COL19A1: variants seen among roughly 807,000 people sequenced by gnomAD.
The protein encoded by COL19A1 is collagen type XIX alpha 1 chain.
Under a neutral mutation model 190.2 loss-of-function variants are expected in COL19A1, and 159 were observed. The ratio of observed to expected loss-of-function variants is 0.84; its 90% CI spans 0.73 to 0.95. The LOEUF is 0.95. Among genes scored for constraint, COL19A1 ranks in the 40% least tolerant of loss-of-function variants. The pLI, the probability that COL19A1 is intolerant of heterozygous loss-of-function variation, is 0.00. For synonymous variants in COL19A1, 509 were observed against 458.9 expected (o/e 1.11, Z -1.39); for missense variants, 1,418 against 1,431.9 (o/e 0.99, Z 0.16).
At chr6:69,956,972 T>C (rs1416365593) in intron 9 of COL19A1, among the ~76,000 whole-genome samples, 2 of 152,084 alleles carry the variant, frequency 1.3e-5, no homozygotes, top group Non-Finnish European at 2.9e-5. Context: ...CACCACAGGA[T>C]AGTATGTAAC....
chr6:70,041,349 C>T (rs991291145), intron 14 of COL19A1, among the ~76,000 whole-genome samples: 5 of 152,112 alleles, frequency 3.3e-5, no homozygotes, highest in African/African-American at 9.7e-5. Flanking sequence ...ATATGAGATT[C>T]TTCAACTTGA....
chr6:69,927,879 C>T (rs769775110), intron 4 of COL19A1, 30 bp from the exon 5 acceptor site: 13 of 1,579,442 alleles, frequency 8.2e-6, no homozygotes, highest in African/African-American at 8.2e-5. Context: ...TCCAGTTTCC[C>T]CACAAAAGTT....
intron 27 of COL19A1, among the ~76,000 whole-genome samples, chr6:70,149,106 C>G (rs1786866804): frequency 1.3e-5 from 2 of 151,942 alleles, no homozygotes. Context: ...AAGTCAACTG[C>G]TAAGAAACCA....
At chr6:70,170,422 A>G (rs1765429312) in intron 40 of COL19A1, among the ~76,000 whole-genome samples, 1 of 152,148 alleles carries the variant, frequency 6.6e-6, no homozygotes, top group African/African-American at 2.4e-5. Context: ...CTGCCTCACT[A>G]TTTCTAATCT....
chr6:69,986,834 A>G (rs1384037797), intron 11 of COL19A1, among the ~76,000 whole-genome samples: 2 of 152,218 alleles, frequency 1.3e-5, no homozygotes, highest in Non-Finnish European at 2.9e-5. Flanking sequence ...TGGAAAATGC[A>G]TTAATAAGAT....
chr6:70,102,790 T>C (rs977631510), intron 16 of COL19A1, among the ~76,000 whole-genome samples: 1 of 152,152 alleles, frequency 6.6e-6, no homozygotes, highest in Non-Finnish European at 1.5e-5. Flanking sequence ...GTCTGGTTTG[T>C]GTCCAAGCTG....
At chr6:69,886,994 A>G (rs1238494390) in intron 2 of COL19A1, among the ~76,000 whole-genome samples, 2 of 152,226 alleles carry the variant, frequency 1.3e-5, no homozygotes, top group Non-Finnish European at 2.9e-5. Context: ...TGCTAAAGAT[A>G]TGAAATGGCA....
At chr6:69,938,354 C>A (rs535140164) in intron 9 of COL19A1, among the ~76,000 whole-genome samples, 1 of 152,200 alleles carries the variant, frequency 6.6e-6, no homozygotes, top group Non-Finnish European at 1.5e-5. Context: ...TAAGCTCTAG[C>A]AAAACTGTGA....
intron 14 of COL19A1, among the ~76,000 whole-genome samples, chr6:70,050,509 G>A (rs1216452705): frequency 6.6e-6 from 1 of 151,970 alleles, no homozygotes; most frequent in Non-Finnish European, 1.5e-5. Context: ...ATTTGATGTA[G>A]TATAGGTACT....
intron 8 of COL19A1, among the ~76,000 whole-genome samples, chr6:69,937,292 G>T (rs1219537338): frequency 6.6e-6 from 1 of 152,066 alleles, no homozygotes; most frequent in Non-Finnish European, 1.5e-5. Context: ...ACTCTACATT[G>T]TATTTCTTTT....
rs1348639364 is a variant in COL19A1 at position 69,921,053 on chromosome 6, TATC to T, written c.267-6853_267-6851del. Among the ~76,000 whole-genome samples, 32 of 45,596 alleles carry T rather than the reference TATC, an allele frequency of 7.0e-4. 1 individual carries two copies. Among genetic ancestry groups the T allele is most frequent in the Non-Finnish European group, 5.5e-4 (12 of 21,866 alleles). 29.9% of individuals were successfully genotyped at this position (45,596 alleles called of 152,430 possible). ...TATATATCATATATATTCATAGACA[TATC>T]ATATATATTCATAGACATATCATAT... On this transcript the variant is annotated intron_variant, in intron 4 of 50. Coordinates refer to ENST00000620364, the MANE Select transcript of COL19A1 (RefSeq NM_001858.6).
intron 14 of COL19A1, among the ~76,000 whole-genome samples, chr6:70,059,429 A>G (rs1182711945): frequency 1.3e-5 from 2 of 152,162 alleles, no homozygotes; most frequent in Middle Eastern, 3.2e-3. Context: ...TATTTGTTAA[A>G]CACTTCAAAC....
intron 14 of COL19A1, among the ~76,000 whole-genome samples, chr6:70,040,171 A>G (rs1176977676): frequency 2.6e-5 from 4 of 152,122 alleles, no homozygotes; most frequent in African/African-American, 9.7e-5. Context: ...AAAAAATCTG[A>G]TATGTAAAAC....
chr6:70,027,533 G>A (rs1452996149), intron 12 of COL19A1, among the ~76,000 whole-genome samples: 2 of 147,620 alleles, frequency 1.4e-5, no homozygotes, highest in Non-Finnish European at 3.0e-5. Context: ...AAAATGTGCT[G>A]ATATTTTTCT....
At position 70,010,529 on chromosome 6, in the gene COL19A1, G is replaced by A. The variant is rs957973324; in HGVS notation, c.1027-13098G>A. Among the ~76,000 whole-genome samples, 30 of 142,292 alleles carry A rather than the reference G, an allele frequency of 2.1e-4. 2 individuals are homozygous for A. Among genetic ancestry groups the A allele is most frequent in the Non-Finnish European group, 3.9e-4 (26 of 66,872 alleles). The allele number at this position is 142,292 out of a possible 152,430, so 93.3% of individuals were successfully genotyped here. On this transcript the variant is annotated intron_variant, in intron 11 of 50. Transcript: ENST00000620364. The stretch of plus-strand genomic sequence containing the variant: ...CACCGTGCGCGAGCGGAAGCAGGGC[G>A]AGGCATTGCCTCACCTGGGAAGCGC...
At chr6:70,041,779 T>A (rs577702464) in intron 14 of COL19A1, among the ~76,000 whole-genome samples, 1 of 152,244 alleles carries the variant, frequency 6.6e-6, no homozygotes, top group East Asian at 1.9e-4. Context: ...AGGTCAGGCA[T>A]GGTGGCTCAT....
At chr6:69,921,511 T>TATATTC (rs1561998779) in intron 4 of COL19A1, among the ~76,000 whole-genome samples, 19 of 100,376 alleles carry the variant, frequency 1.9e-4, no homozygotes, top group East Asian at 9.7e-4. Flanking sequence ...TATATATTCA[T>TATATTC]ATGTATATTC....
intron 48 of COL19A1, among the ~76,000 whole-genome samples, chr6:70,196,184 A>G (rs906025021): frequency 6.6e-6 from 1 of 152,074 alleles, no homozygotes; most frequent in Non-Finnish European, 1.5e-5. Flanking sequence ...ACAGGAAATT[A>G]CTCTTCTGAT....
At chr6:70,036,078 C>A in intron 14 of COL19A1, 139 bp downstream of exon 14, 1 of 760,212 alleles carries the variant, frequency 1.3e-6, no homozygotes, top group Admixed American at 2.4e-5. Flanking sequence ...GTCAAACCTC[C>A]ACATTTTAAA....
Sources: gnomAD v4.1 joint callset for allele counts (sites outside exome capture counted in the v4.1 genomes callset) on GRCh38, gnomAD v4.1.1 for gene constraint, MANE v1.5 for transcripts, NCBI Gene and HGNC (gene_info 2026-07-23, HGNC 2026-07-21) for gene names.